COL13A1: variants seen among roughly 807,000 people sequenced by gnomAD.
COL13A1 encodes collagen type XIII alpha 1 chain, also known as collagen alpha-1(XIII) chain.
COL13A1 carries 89 observed loss-of-function variants against 130.9 expected under a neutral mutation model. The ratio of observed to expected loss-of-function variants is 0.68; its 90% CI spans 0.57 to 0.81. The LOEUF is 0.81. Among genes scored for constraint, COL13A1 ranks in the 30% least tolerant of loss-of-function variants. The pLI, the probability that COL13A1 is intolerant of heterozygous loss-of-function variation, is 0.00. For missense variants in COL13A1, 879 were observed against 934.6 expected, an observed-to-expected ratio of 0.94 and a Z score of 0.78; for synonymous variants, 402 against 341.6, an observed-to-expected ratio of 1.18 and a Z score of -1.95.
chr10:69,878,038 G>A lies in COL13A1; in HGVS notation c.436-1G>A. 1.4e-6 allele frequency: 1 copy of A among 702,906 alleles called. No homozygotes were observed. Among genetic ancestry groups the A allele is most frequent in the Non-Finnish European group, 2.6e-6 (1 of 384,986 alleles). 43.5% of individuals were successfully genotyped at this position (702,906 alleles called of 1,614,324 possible). A position where few individuals can be genotyped will look rare whatever the true frequency, so the allele number is the denominator to read the frequency against. ...CCCTGTGTTGCATGTGGCTGCCCCA[G>A]GGAGTAAAGGGCCAACCAGGCGAGA... On this transcript the variant is annotated splice_acceptor_variant, in intron 5 of 40. Transcript: ENST00000645393. LOFTEE classifies it high-confidence loss of function.
intron 17 of COL13A1, among the ~76,000 whole-genome samples, chr10:69,913,067 G>A (rs547799012): frequency 2.0e-4 from 30 of 152,178 alleles, no homozygotes; most frequent in Non-Finnish European, 4.3e-4. Context: ...CAAAGCAAAC[G>A]CCTCTCTACC....
intron 2 of COL13A1, among the ~76,000 whole-genome samples, chr10:69,837,394 C>T (rs1302113505): frequency 6.6e-6 from 1 of 152,244 alleles, no homozygotes; most frequent in Non-Finnish European, 1.5e-5. Flanking sequence ...CCACAGACTC[C>T]TGACGCCTTC....
chr10:69,835,543 C>T (rs1464137403), intron 2 of COL13A1, among the ~76,000 whole-genome samples: 1 of 152,210 alleles, frequency 6.6e-6, no homozygotes, highest in African/African-American at 2.4e-5. Flanking sequence ...CCCCACACAC[C>T]TGGCCCTCTT....
intron 31 of COL13A1, among the ~76,000 whole-genome samples, chr10:69,933,006 G>A (rs1021688667): frequency 6.6e-6 from 1 of 151,718 alleles, no homozygotes; most frequent in Non-Finnish European, 1.5e-5. Flanking sequence ...AGTGGTGGCA[G>A]GTGCCTATAA....
chr10:69,932,632 T>A, intron 31 of COL13A1, 28 bp downstream of exon 31: 1 of 1,494,216 alleles, frequency 6.7e-7, no homozygotes, highest in Non-Finnish European at 9.3e-7. Context: ...TGACAGAGAC[T>A]CATCAAGCGA....
At chr10:69,865,322 G>C (rs1342650647) in intron 2 of COL13A1, among the ~76,000 whole-genome samples, 1 of 152,242 alleles carries the variant, frequency 6.6e-6, no homozygotes, top group Non-Finnish European at 1.5e-5. Context: ...GGCACTGCTA[G>C]ATTTTGCAAA....
At chr10:69,840,098 G>A (rs910844878) in intron 2 of COL13A1, among the ~76,000 whole-genome samples, 7 of 152,318 alleles carry the variant, frequency 4.6e-5, no homozygotes, top group African/African-American at 1.2e-4. Context: ...TAGAGGTGAC[G>A]CTAGCAGGCC....
chr10:69,821,941 G>A (rs1289913693), intron 1 of COL13A1, among the ~76,000 whole-genome samples: 1 of 152,168 alleles, frequency 6.6e-6, no homozygotes, highest in Non-Finnish European at 1.5e-5. Context: ...TGCCCAGCTT[G>A]CAAATGCTAG....
At chr10:69,878,543 G>A (rs1349270377) in intron 6 of COL13A1, among the ~76,000 whole-genome samples, 1 of 151,920 alleles carries the variant, frequency 6.6e-6, no homozygotes, top group East Asian at 1.9e-4. Context: ...GCGCAGTGGC[G>A]AGATCTCGGC....
In COL13A1 at chr10:69,896,100, G is replaced by A. The variant is rs112569736; in HGVS notation, c.684+524G>A. The stretch of plus-strand genomic sequence containing the variant: ...CAAACCTCGATGATGGGAGATAATC[G>A]GGGACTGACTGCAGCAATTCAAGGA... On this transcript the variant is annotated intron_variant, in intron 13 of 40. Coordinates refer to ENST00000645393, the MANE Select transcript of COL13A1 (RefSeq NM_001368882.1). Among the ~76,000 whole-genome samples, 423 of 152,242 alleles carry A rather than the reference G, an allele frequency of 2.8e-3. 3 individuals are homozygous for A. The highest frequency in any genetic ancestry group is 9.5e-3 in the African/African-American group (396 of 41,536).
At chr10:69,879,364 A>C (rs2059913180) in intron 6 of COL13A1, 2 of 152,362 alleles carry the variant, frequency 1.3e-5, no homozygotes, top group African/African-American at 4.8e-5. Flanking sequence ...ACATCTTCAC[A>C]TCCACCCTAT....
intron 39 of COL13A1, chr10:69,956,167 C>G (rs953972753): frequency 6.6e-6 from 1 of 152,258 alleles, no homozygotes; most frequent in Non-Finnish European, 1.5e-5. Flanking sequence ...CCCAGCCTCG[C>G]CTTCCCCACT....
intron 2 of COL13A1, among the ~76,000 whole-genome samples, chr10:69,847,794 C>T (rs1373275239): frequency 6.6e-6 from 1 of 152,220 alleles, no homozygotes; most frequent in African/African-American, 2.4e-5. Context: ...TTCTCCTTTC[C>T]ATCTGTGGCC....
At chr10:69,872,740 GA>G in intron 4 of COL13A1, among the ~76,000 whole-genome samples, 1 of 152,334 alleles carries the variant, frequency 6.6e-6, no homozygotes. Context: ...ACCGTAAGAA[GA>G]GCCAGGTACT....
intron 2 of COL13A1, among the ~76,000 whole-genome samples, chr10:69,860,942 T>G (rs934301036): frequency 2.0e-5 from 3 of 152,172 alleles, no homozygotes; most frequent in Non-Finnish European, 4.4e-5. Context: ...AACACAGGAC[T>G]GCATCGGGAA....
At chr10:69,875,185 T>A (rs769921580) in intron 5 of COL13A1, 22 bp downstream of exon 5, 2 of 1,613,926 alleles carry the variant, frequency 1.2e-6, no homozygotes. Flanking sequence ...CGTTTGTACC[T>A]GCTCAGGTGG....
intron 2 of COL13A1, among the ~76,000 whole-genome samples, chr10:69,824,506 T>C (rs1437243031): frequency 6.6e-6 from 1 of 152,040 alleles, no homozygotes; most frequent in Non-Finnish European, 1.5e-5. Flanking sequence ...TGGGGAGGAA[T>C]GTGGCAGGAG....
In COL13A1 at chr10:69,887,307, C is replaced by A. The variant is rs1010612969; in HGVS notation, c.514-149C>A. 6 of 732,602 alleles carry A rather than the reference C, an allele frequency of 8.2e-6. No homozygotes were observed. In the Admixed American group the frequency reaches 1.3e-4, roughly 15 times the overall value. 45.4% of individuals were successfully genotyped at this position (732,602 alleles called of 1,614,324 possible). On this transcript the variant is annotated intron_variant, in intron 7 of 40. Transcript: ENST00000645393. The stretch of plus-strand genomic sequence containing the variant: ...GTTCCATTTCATCTTTCTCCATCTT[C>A]CCTCCCAACCCACTAACCACAGTGA...
At chr10:69,850,893 C>T (rs889426957) in intron 2 of COL13A1, among the ~76,000 whole-genome samples, 1 of 152,246 alleles carries the variant, frequency 6.6e-6, no homozygotes, top group African/African-American at 2.4e-5. Flanking sequence ...CAAGGTGGCT[C>T]TCTTTAGCCA....
Sources: allele counts gnomAD v4.1 joint callset (sites outside exome capture counted in the v4.1 genomes callset), GRCh38; gene constraint gnomAD v4.1.1; transcripts MANE v1.5; gene names NCBI Gene and HGNC (gene_info 2026-07-23, HGNC 2026-07-21).